The following RNF2 variants were observed in gnomAD, a reference collection of about 807,000 sequenced individuals.
The protein encoded by RNF2 is E3 ubiquitin-protein ligase RING2.
RNF2 carries 6 observed loss-of-function variants against 37.2 expected under a neutral mutation model. The observed-to-expected ratio is 0.16, with a 90% CI of 0.09 to 0.32. The LOEUF is 0.32. Among genes scored for constraint, RNF2 ranks in the 10% least tolerant of loss-of-function variants. The pLI is 1.00. For missense variants in RNF2, 251 were observed against 404.0 expected, an observed-to-expected ratio of 0.62 and a Z score of 3.25; for synonymous variants, 133 against 132.7, an observed-to-expected ratio of 1.00 and a Z score of -0.02.
Position 185,093,201 on chromosome 1 carries a change from G to A in RNF2, c.389G>A (p.Arg130Lys). The change falls in exon 4 of 7, where the codon AGG (arginine) becomes AAG (lysine). Residue 130 changes from arginine (R) to lysine (K), a missense_variant. Around this residue, in one of 7 missense-constraint regions of RNF2, gnomAD observed 33 missense variants for 46.8 expected, o/e 0.71. Coordinates refer to ENST00000367510, the MANE Select transcript of RNF2 (RefSeq NM_007212.4). ...YEAHQERVLARINKHNNQQAL... is the reference protein window; with the variant it reads ...YEAHQERVLAKINKHNNQQAL... ...GCTCATCAAGAGAGAGTATTAGCCA[G>A]GATCAACAAGCACAATAATCAGCAA... 1 of 1,614,064 alleles carries A rather than the reference G, an allele frequency of 6.2e-7. No individual in the cohort carries two copies. Among genetic ancestry groups the A allele is most frequent in the South Asian group, 1.1e-5 (1 of 91,084 alleles).
chr1:185,087,495 A>G, intron 1 of RNF2, 57 bp from the exon 2 acceptor site: 1 of 1,417,752 alleles, frequency 7.1e-7, no homozygotes. Context: ...ATACATTCAG[A>G]CCATAGCACT....
In RNF2 at chr1:185,099,930, A is replaced by G; in HGVS notation, c.877A>G (p.Ile293Val). The G allele has an allele frequency of 1.9e-6, 3 of 1,612,450 alleles. No homozygotes were observed. Among genetic ancestry groups the G allele is most frequent in the Non-Finnish European group, 2.5e-6 (3 of 1,178,596 alleles). Residue 293 changes from isoleucine (I) to valine (V), a missense_variant, in exon 6 of 7, where the codon ATT becomes GTT. By Grantham distance (29) the Ile-to-Val change is conservative. Coordinates refer to ENST00000367510, the MANE Select transcript of RNF2 (RefSeq NM_007212.4). ...TACAGCCAGTGAGAAGCAGTATACC[A>G]TTTATATAGCAACAGCCAGTGGCCA... ...LDTASEKQYT[I>V]YIATASGQFT...
At chr1:185,076,309 G>T (rs1403878940) in intron 1 of RNF2, among the ~76,000 whole-genome samples, 4 of 9,948 alleles carry the variant, frequency 4.0e-4, no homozygotes, top group East Asian at 3.0e-3. Flanking sequence ...TTTTTTTTTT[G>T]AGACAGAGTC....
At chr1:185,073,356 T>G (rs1479571753) in intron 1 of RNF2, among the ~76,000 whole-genome samples, 1 of 152,180 alleles carries the variant, frequency 6.6e-6, no homozygotes, top group Non-Finnish European at 1.5e-5. Context: ...ATATCAAAAC[T>G]TAGGAGCCAT....
intron 4 of RNF2, among the ~76,000 whole-genome samples, chr1:185,094,440 C>G (rs532951991): frequency 6.6e-6 from 1 of 152,284 alleles, no homozygotes; most frequent in South Asian, 2.1e-4. Context: ...CACACCTGGC[C>G]TTGGAGTCGC....
At chr1:185,087,108 T>A (rs975217716) in intron 1 of RNF2, among the ~76,000 whole-genome samples, 8 of 152,246 alleles carry the variant, frequency 5.3e-5, no homozygotes, top group East Asian at 1.9e-4. Context: ...TTGTTTTTTT[T>A]ATTCTCAAGA....
intron 1 of RNF2, among the ~76,000 whole-genome samples, chr1:185,082,538 A>C (rs1246918593): frequency 6.6e-6 from 1 of 150,992 alleles, no homozygotes; most frequent in African/African-American, 2.4e-5. Flanking sequence ...TTTTTTTAGT[A>C]GAGACAGGGT....
chr1:185,087,670 T>C, intron 2 of RNF2, 30 bp downstream of exon 2: 1 of 1,497,124 alleles, frequency 6.7e-7, no homozygotes, highest in Non-Finnish European at 9.3e-7. Flanking sequence ...CCAAGGGGCA[T>C]ATGAGACGTG....
intron 4 of RNF2, among the ~76,000 whole-genome samples, chr1:185,094,438 G>C (rs1315977496): frequency 6.6e-6 from 1 of 152,084 alleles, no homozygotes; most frequent in Non-Finnish European, 1.5e-5. Flanking sequence ...ACCACACCTG[G>C]CCTTGGAGTC....
intron 2 of RNF2, among the ~76,000 whole-genome samples, chr1:185,088,859 T>C (rs1384487004): frequency 6.6e-6 from 1 of 152,158 alleles, no homozygotes; most frequent in Non-Finnish European, 1.5e-5. Context: ...AGTGTTAAAG[T>C]AATTTAGAGA....
intron 1 of RNF2, among the ~76,000 whole-genome samples, chr1:185,053,887 A>T (rs1571292724): frequency 6.6e-6 from 1 of 151,764 alleles, no homozygotes; most frequent in South Asian, 2.1e-4. Flanking sequence ...AATGTCTTGT[A>T]TTAAAAAAAA....
At chr1:185,052,508 A>G (rs111821047) in intron 1 of RNF2, among the ~76,000 whole-genome samples, 123 of 152,240 alleles carry the variant, frequency 8.1e-4, no homozygotes, top group Non-Finnish European at 1.4e-3. Context: ...TGAAATATCC[A>G]GAATAGAAAA....
chr1:185,099,711 T>A, intron 5 of RNF2, 80 bp from the exon 6 acceptor site: 3 of 1,158,510 alleles, frequency 2.6e-6, no homozygotes, highest in East Asian at 2.5e-5. Flanking sequence ...TTTTAAGAAA[T>A]GTATTAGTTC....
intron 1 of RNF2, among the ~76,000 whole-genome samples, chr1:185,076,577 C>T (rs1399520679): frequency 1.3e-5 from 2 of 150,202 alleles, no homozygotes; most frequent in Non-Finnish European, 3.0e-5. Context: ...TGAGCCACTG[C>T]GCCCGGCCTT....
At chr1:185,065,226 A>T (rs1006786884) in intron 1 of RNF2, among the ~76,000 whole-genome samples, 1 of 152,180 alleles carries the variant, frequency 6.6e-6, no homozygotes, top group Admixed American at 6.5e-5. Flanking sequence ...AAAATGCACC[A>T]ATCAGTGCTC....
intron 1 of RNF2, among the ~76,000 whole-genome samples, chr1:185,070,872 G>A (rs112784848): frequency 6.6e-6 from 1 of 151,936 alleles, no homozygotes; most frequent in Non-Finnish European, 1.5e-5. Flanking sequence ...TCCTGACCTC[G>A]TGATCCGCCC....
intron 1 of RNF2, among the ~76,000 whole-genome samples, chr1:185,078,684 C>T (rs892671662): frequency 1.1e-4 from 16 of 152,070 alleles, no homozygotes; most frequent in East Asian, 9.6e-4. Context: ...CCGAGGTGGG[C>T]GGATCACCTG....
At chr1:185,078,770 C>T (rs1308576956) in intron 1 of RNF2, among the ~76,000 whole-genome samples, 1 of 151,042 alleles carries the variant, frequency 6.6e-6, no homozygotes, top group Non-Finnish European at 1.5e-5. Flanking sequence ...ATTCGCCAGG[C>T]GTAGTGGCTC....
At chr1:185,046,929 A>G (rs1424157129) in intron 1 of RNF2, among the ~76,000 whole-genome samples, 1 of 152,222 alleles carries the variant, frequency 6.6e-6, no homozygotes, top group African/African-American at 2.4e-5. Flanking sequence ...TGCTTCTTAT[A>G]GTGAAATTTG....
Sources: allele counts gnomAD v4.1 joint callset (sites outside exome capture counted in the v4.1 genomes callset), GRCh38; gene constraint gnomAD v4.1.1; regional missense constraint gnomAD v4.1.1; transcripts MANE v1.5; gene names NCBI Gene and HGNC (gene_info 2026-07-23, HGNC 2026-07-21).